Variants in CDYL observed in about 807,000 individuals in gnomAD.
CDYL encodes chromodomain Y like.
In CDYL, 8 loss-of-function variants were observed where a neutral mutation model predicts 47.3. The ratio of observed to expected loss-of-function variants is 0.17; its 90% CI spans 0.10 to 0.31. The LOEUF (loss-of-function observed/expected upper bound fraction) is 0.31, where lower values mean the gene tolerates loss of function less well. Ranked by LOEUF, CDYL falls within the 10% of genes least tolerant of loss-of-function variation. The probability of loss-of-function intolerance (pLI) is 1.00; values close to 1 mark genes in which losing one functional copy is unlikely to be tolerated. For synonymous variants in CDYL, 266 were observed against 265.0 expected, an observed-to-expected ratio of 1.00 and a Z score of -0.04; for missense variants, 471 against 701.4, an observed-to-expected ratio of 0.67 and a Z score of 3.71.
chr6:4,905,199 A>G (rs1295988125), intron 2 of CDYL, among the ~76,000 whole-genome samples: 1 of 152,010 alleles, frequency 6.6e-6, no homozygotes, highest in African/African-American at 2.4e-5. Flanking sequence ...GACACAAGTG[A>G]GTTTGCGCAT....
At chr6:4,920,995 CTGTGTGTGTG>C (rs112009340) in intron 2 of CDYL, among the ~76,000 whole-genome samples, 1 of 150,676 alleles carries the variant, frequency 6.6e-6, no homozygotes, top group African/African-American at 2.4e-5. Flanking sequence ...CATGATACAT[CTGTGTGTGTG>C]TGTGTGTGTA....
At chr6:4,853,476 T>A (rs965903644) in intron 1 of CDYL, among the ~76,000 whole-genome samples, 5 of 152,076 alleles carry the variant, frequency 3.3e-5, no homozygotes, top group African/African-American at 1.2e-4. Context: ...GCAGACCTCT[T>A]CCTTCTCTTC....
chr6:4,787,948 T>A (rs142543665), intron 1 of CDYL, among the ~76,000 whole-genome samples: 3,008 of 151,814 alleles, frequency 0.02, 54 homozygotes, highest in Middle Eastern at 0.041. Flanking sequence ...ATTTTTGTAT[T>A]TTTAGTAGAG....
chr6:4,924,848 T>C (rs1299345278), intron 2 of CDYL, among the ~76,000 whole-genome samples: 1 of 152,142 alleles, frequency 6.6e-6, no homozygotes, highest in Admixed American at 6.5e-5. Context: ...AGATTAGAGG[T>C]ACAGCCCACA....
At chr6:4,800,675 A>G (rs1320511703) in intron 1 of CDYL, among the ~76,000 whole-genome samples, 1 of 152,176 alleles carries the variant, frequency 6.6e-6, no homozygotes, top group African/African-American at 2.4e-5. Context: ...TTTTTAAAGG[A>G]AACTTCTTCT....
chr6:4,903,235 T>G lies in CDYL; in HGVS notation c.691+10856T>G, dbSNP rs533111672. Among the ~76,000 whole-genome samples, 4 of 152,326 alleles carry G rather than the reference T, an allele frequency of 2.6e-5. No homozygotes were observed. The South Asian group carries it at 6.2e-4, about 24-fold the overall frequency. On this transcript the variant is annotated intron_variant, in intron 2 of 6. Transcript: ENST00000397588. ...ATCAGACGAGTCAGCAGGCCTGTGCTCCTGCGCCATGTCCCTGCTGTACGT... is the reference window on the plus strand; with the variant it reads ...ATCAGACGAGTCAGCAGGCCTGTGCGCCTGCGCCATGTCCCTGCTGTACGT...
chr6:4,837,104 G>T (rs2179269), intron 1 of CDYL, among the ~76,000 whole-genome samples: 13,057 of 152,212 alleles, frequency 0.086, 683 homozygotes, highest in South Asian at 0.14. Context: ...AGATAAGATA[G>T]GTCAATCATT....
At chr6:4,728,016 G>C (rs1757544974) in intron 2 of CDYL, among the ~76,000 whole-genome samples, 1 of 152,160 alleles carries the variant, frequency 6.6e-6, no homozygotes, top group Non-Finnish European at 1.5e-5. Context: ...TTGTTGGTTA[G>C]AGGGTTTACA....
intron 2 of CDYL, chr6:4,724,443 A>C (rs1431046074): frequency 1.3e-5 from 2 of 152,222 alleles, no homozygotes; most frequent in Non-Finnish European, 2.9e-5. Flanking sequence ...ACTGTGCCAA[A>C]TGTCTATACC....
At chr6:4,927,166 G>T (rs1757900121) in intron 2 of CDYL, among the ~76,000 whole-genome samples, 1 of 152,090 alleles carries the variant, frequency 6.6e-6, no homozygotes, top group African/African-American at 2.4e-5. Context: ...TACCTTTTGT[G>T]TGTAAAAACA....
At chr6:4,785,363 T>A (rs1262256204) in intron 1 of CDYL, among the ~76,000 whole-genome samples, 1 of 152,234 alleles carries the variant, frequency 6.6e-6, no homozygotes, top group Non-Finnish European at 1.5e-5. Context: ...GAGAATGTCT[T>A]TTATTTACTT....
At chr6:4,900,186 T>C (rs1299383117) in intron 2 of CDYL, among the ~76,000 whole-genome samples, 1 of 152,260 alleles carries the variant, frequency 6.6e-6, no homozygotes, top group Non-Finnish European at 1.5e-5. Flanking sequence ...TATATTCTTT[T>C]ATATGAGATC....
intron 1 of CDYL, among the ~76,000 whole-genome samples, chr6:4,835,310 GTCTGT>G (rs1418147528): frequency 6.6e-6 from 1 of 152,208 alleles, no homozygotes; most frequent in Non-Finnish European, 1.5e-5. Flanking sequence ...TCAGCTGCAG[GTCTGT>G]TGGAGTTTGC....
intron 5 of CDYL, among the ~76,000 whole-genome samples, chr6:4,949,910 T>C (rs977941803): frequency 6.6e-6 from 1 of 152,190 alleles, no homozygotes; most frequent in African/African-American, 2.4e-5. Context: ...TTTTTGCTCT[T>C]GAGTAAATTG....
chr6:4,747,794 C>T (rs1245436427), intron 3 of CDYL, among the ~76,000 whole-genome samples: 1 of 152,206 alleles, frequency 6.6e-6, no homozygotes, highest in South Asian at 2.1e-4. Flanking sequence ...AATGCCAATA[C>T]CCCAGGGAAG....
chr6:4,758,968 C>CTTTTTTTTTTTTTTT (rs753662724), intron 3 of CDYL, among the ~76,000 whole-genome samples: 1 of 131,920 alleles, frequency 7.6e-6, no homozygotes. Flanking sequence ...TTTTCTTTTT[C>CTTTTTTTTTTTTTTT]TTTTTTTTTT....
chr6:4,760,122 G>T (rs912938730), intron 3 of CDYL, among the ~76,000 whole-genome samples: 4 of 151,560 alleles, frequency 2.6e-5, no homozygotes, highest in African/African-American at 7.3e-5. Flanking sequence ...ACTGACCTCA[G>T]TGAGTTACAG....
intron 2 of CDYL, among the ~76,000 whole-genome samples, chr6:4,894,047 C>T: frequency 6.6e-6 from 1 of 152,218 alleles, no homozygotes; most frequent in East Asian, 1.9e-4. Context: ...GCAGGTTTGA[C>T]TTCCTATATT....
Position 4,892,247 on chromosome 6 carries a change from G to A in CDYL, c.559G>A (p.Val187Ile), listed in dbSNP as rs1762069343. The A allele has an allele frequency of 1.2e-6, 2 of 1,614,124 alleles. No homozygotes were observed. Among genetic ancestry groups the A allele is most frequent in the African/African-American group, 1.3e-5 (1 of 74,938 alleles). Residue 187 changes from valine to isoleucine, a missense_variant, in exon 2 of 7, where the codon GTC becomes ATC. Around this residue, in one of 3 missense-constraint regions of CDYL, gnomAD observed 311 missense variants for 350.0 expected, o/e 0.89. Coordinates refer to ENST00000397588, the MANE Select transcript of CDYL (RefSeq NM_004824.4). ...VAPEVAAEKP[V>I]GALLGPGAER... ...ACCCGAAGTGGCAGCGGAAAAGCCG[G>A]TCGGAGCTTTATTGGGCCCCGGTGC... is the stretch of plus-strand genomic sequence containing the variant.
Sources: gnomAD v4.1 joint callset for allele counts (sites outside exome capture counted in the v4.1 genomes callset) on GRCh38, gnomAD v4.1.1 for gene constraint, gnomAD v4.1.1 regional missense constraint, MANE v1.5 for transcripts, NCBI Gene and HGNC (gene_info 2026-07-23, HGNC 2026-07-21) for gene names.